The following SPTLC2 variants were observed in gnomAD, a reference collection of about 807,000 sequenced individuals.
SPTLC2 encodes the protein serine palmitoyltransferase 2.
A neutral mutation model predicts 62.0 loss-of-function variants in SPTLC2; 21 were observed. The observed-to-expected ratio is 0.34, with a 90% confidence interval of 0.24 to 0.49. The LOEUF is 0.49. SPTLC2 is among the 20% of genes least tolerant of loss of function. The pLI, the probability that SPTLC2 is intolerant of heterozygous loss-of-function variation, is 0.99. For synonymous variants in SPTLC2, 261 were observed against 261.8 expected, an observed-to-expected ratio of 1.00 and a Z score of 0.03; for missense variants, 511 against 713.0, an observed-to-expected ratio of 0.72 and a Z score of 3.23.
At chr14:77,540,991 C>T (rs1188876728) in intron 9 of SPTLC2, among the ~76,000 whole-genome samples, 2 of 151,972 alleles carry the variant, frequency 1.3e-5, no homozygotes, top group Admixed American at 6.6e-5. Flanking sequence ...TGTAACTGTA[C>T]TCAGAAGGTA....
chr14:77,562,153 G>A (rs1156443779), intron 6 of SPTLC2, among the ~76,000 whole-genome samples: 5 of 152,146 alleles, frequency 3.3e-5, no homozygotes, highest in African/African-American at 9.7e-5. Flanking sequence ...TTTGAGTAAC[G>A]GATCTGTAAA....
chr14:77,571,002 C>T (rs1197469445), intron 4 of SPTLC2, among the ~76,000 whole-genome samples: 1 of 152,070 alleles, frequency 6.6e-6, no homozygotes, highest in Non-Finnish European at 1.5e-5. Context: ...CCCAGCCAGC[C>T]CTTAGCCCTT....
intron 1 of SPTLC2, 134 bp downstream of exon 1, chr14:77,616,314 A>G (rs2079966851): frequency 4.6e-6 from 2 of 432,152 alleles, no homozygotes; most frequent in African/African-American, 4.2e-5. Context: ...GCGGCCGGAC[A>G]CTGCCGCCCA....
chr14:77,531,836 G>A (rs2053940989), intron 9 of SPTLC2, among the ~76,000 whole-genome samples: 1 of 151,976 alleles, frequency 6.6e-6, no homozygotes, highest in African/African-American at 2.4e-5. Context: ...CTGCAATCTG[G>A]GTGGTGATTA....
At position 77,506,200 on chromosome 14, in the gene SPTLC2, CAG is replaced by C. The variant is rs371361045; in HGVS notation, c.*6082_*6083del. ...ATCATCATCTGGCAAAAAAGGGAAA[CAG>C]GGTAAGAGAGAGTGACATTTTAACA... On this transcript the variant is annotated 3_prime_UTR_variant, in exon 12 of 12. Coordinates refer to ENST00000216484, the MANE Select transcript of SPTLC2 (RefSeq NM_004863.4). 3 of 152,264 alleles carry C rather than the reference CAG, an allele frequency of 2.0e-5. No individual in the cohort carries two copies. The highest frequency in any genetic ancestry group is 2.9e-5 in the Non-Finnish European group (2 of 68,036). The allele number at this position is 152,264 out of a possible 1,614,324, so 9.4% of individuals were successfully genotyped here. A position where few individuals can be genotyped will look rare whatever the true frequency, so the allele number is the denominator to read the frequency against.
intron 1 of SPTLC2, among the ~76,000 whole-genome samples, chr14:77,612,655 A>C (rs563989242): frequency 2.0e-5 from 3 of 152,316 alleles, no homozygotes; most frequent in African/African-American, 7.2e-5. Context: ...TAACTATCAC[A>C]TATAAACCCC....
At chr14:77,590,273 T>TG (rs1469954751) in intron 2 of SPTLC2, among the ~76,000 whole-genome samples, 1 of 152,224 alleles carries the variant, frequency 6.6e-6, no homozygotes, top group Non-Finnish European at 1.5e-5. Flanking sequence ...CTAACACGCC[T>TG]GGCCTCTGGC....
chr14:77,524,597 C>A (rs557054552), intron 9 of SPTLC2, among the ~76,000 whole-genome samples: 1 of 152,116 alleles, frequency 6.6e-6, no homozygotes, highest in Non-Finnish European at 1.5e-5. Context: ...GAGCCAAATA[C>A]GGAATCATTC....
chr14:77,582,855 A>T (rs1400889857), intron 2 of SPTLC2, among the ~76,000 whole-genome samples: 2 of 152,146 alleles, frequency 1.3e-5, no homozygotes, highest in Non-Finnish European at 2.9e-5. Flanking sequence ...TTTACTCCTT[A>T]GCTAAGCTCC....
At chr14:77,550,165 G>C (rs762894292) in intron 9 of SPTLC2, among the ~76,000 whole-genome samples, 1 of 152,136 alleles carries the variant, frequency 6.6e-6, no homozygotes, top group Non-Finnish European at 1.5e-5. Context: ...ACTTCTTCAA[G>C]GAATTAATTC....
rs1043756644 is a variant in SPTLC2 at position 77,614,993 on chromosome 14, C to CA, written c.132+1454dup. On this transcript the variant is annotated intron_variant, in intron 1 of 11. Coordinates refer to ENST00000216484, the MANE Select transcript of SPTLC2 (RefSeq NM_004863.4). ...TGAAAAAAAAAAACAAAAACAAAAA[C>CA]AAAAAAAAAATCATACCTCAATGAA... Among the ~76,000 whole-genome samples the CA allele has an allele frequency of 2.1e-3, 311 of 147,098 alleles. 2 individuals are homozygous for CA. Among genetic ancestry groups the CA allele is most frequent in the African/African-American group, 6.7e-3 (267 of 40,070 alleles).
At chr14:77,550,016 A>T (rs187653003) in intron 9 of SPTLC2, among the ~76,000 whole-genome samples, 25 of 152,312 alleles carry the variant, frequency 1.6e-4, no homozygotes, top group African/African-American at 5.3e-4. Flanking sequence ...GTATGTATAT[A>T]TATGTGTGTA....
At chr14:77,521,331 G>A in intron 10 of SPTLC2, 115 bp downstream of exon 10, 1 of 1,293,718 alleles carries the variant, frequency 7.7e-7, no homozygotes. Context: ...TGTACCAAAT[G>A]AAGGTTAACA....
At chr14:77,534,452 A>T (rs948991059) in intron 9 of SPTLC2, among the ~76,000 whole-genome samples, 12 of 152,166 alleles carry the variant, frequency 7.9e-5, no homozygotes, top group African/African-American at 2.9e-4. Context: ...AAAGAAACTT[A>T]AACACTAAAG....
At chr14:77,572,749 AC>A (rs2079690837) in intron 4 of SPTLC2, among the ~76,000 whole-genome samples, 1 of 152,214 alleles carries the variant, frequency 6.6e-6, no homozygotes, top group Non-Finnish European at 1.5e-5. Flanking sequence ...TCACTGCTTC[AC>A]CTTGCACTTT....
intron 5 of SPTLC2, among the ~76,000 whole-genome samples, chr14:77,562,998 C>A (rs779363029): frequency 1.3e-5 from 2 of 152,102 alleles, no homozygotes; most frequent in Non-Finnish European, 2.9e-5. Flanking sequence ...TCAGTTTTGT[C>A]TTAAAAATCC....
intron 1 of SPTLC2, among the ~76,000 whole-genome samples, chr14:77,604,015 G>A (rs1456172475): frequency 6.6e-6 from 1 of 152,166 alleles, no homozygotes; most frequent in Non-Finnish European, 1.5e-5. Flanking sequence ...CCCCCACCAC[G>A]TGCTCCAGTC....
At position 77,567,001 on chromosome 14, in the gene SPTLC2, C is replaced by A. The variant is rs58215332; in HGVS notation, c.756+3383G>T. 3.3e-5 allele frequency among the ~76,000 whole-genome samples: 5 copies of A among 151,864 alleles called. No homozygotes were observed. The South Asian group carries it at 1.0e-3, about 31-fold the overall frequency. On this transcript the variant is annotated intron_variant, in intron 5 of 11. Transcript: ENST00000216484. Reference sequence around the variant, plus strand: ...ATCTTTTTTTTTTGAGACGGAGTCTCGCTCTGTCCCCCAGGCTGGAGTGCA... The same window carrying A: ...ATCTTTTTTTTTTGAGACGGAGTCTAGCTCTGTCCCCCAGGCTGGAGTGCA...
At chr14:77,555,561 G>C (rs2079578736) in intron 7 of SPTLC2, 42 bp from the exon 8 acceptor site, 2 of 1,577,624 alleles carry the variant, frequency 1.3e-6, no homozygotes, top group Admixed American at 3.4e-5. Flanking sequence ...CATATACACT[G>C]AGACTTTTTA....
Sources: gnomAD v4.1 joint callset for allele counts (sites outside exome capture counted in the v4.1 genomes callset) on GRCh38, gnomAD v4.1.1 for gene constraint, MANE v1.5 for transcripts, NCBI Gene and HGNC (gene_info 2026-07-23, HGNC 2026-07-21) for gene names.